The following TIAM1 variants were observed in gnomAD, a reference collection of about 807,000 sequenced individuals.
TIAM1 encodes the protein TIAM Rac1 associated GEF 1.
Under a neutral mutation model 163.5 loss-of-function variants are expected in TIAM1, and 65 were observed. The observed-to-expected ratio is 0.40, with a 90% CI of 0.33 to 0.49. The LOEUF (loss-of-function observed/expected upper bound fraction) is 0.49. TIAM1 is among the 20% of genes least tolerant of loss of function. The pLI is 0.77. For missense variants in TIAM1, 1,789 were observed against 2,044.7 expected (o/e 0.87, Z 2.41); for synonymous variants, 833 against 810.1 (o/e 1.03, Z -0.48).
At chr21:31,383,259 A>T (rs906746898) in intron 2 of TIAM1, among the ~76,000 whole-genome samples, 1 of 152,198 alleles carries the variant, frequency 6.6e-6, no homozygotes, top group Non-Finnish European at 1.5e-5. Context: ...AGTGTAAAAC[A>T]TAATAGTTCC....
At chr21:31,385,944 A>G (rs1030486378) in intron 2 of TIAM1, among the ~76,000 whole-genome samples, 2 of 147,726 alleles carry the variant, frequency 1.4e-5, no homozygotes, top group Admixed American at 1.4e-4. Flanking sequence ...AATGTTATTT[A>G]TACTGGTATT....
intron 2 of TIAM1, chr21:31,452,431 G>A (rs754880531): frequency 3.1e-5 from 12 of 381,170 alleles, no homozygotes; most frequent in East Asian, 6.2e-5. Flanking sequence ...ACCCTATTTC[G>A]AAACAACAAC....
chr21:31,494,989 T>C (rs2046592297), intron 1 of TIAM1, among the ~76,000 whole-genome samples: 1 of 152,134 alleles, frequency 6.6e-6, no homozygotes, highest in Non-Finnish European at 1.5e-5. Context: ...CTGAAGTACT[T>C]AGGCAGCAAA....
chr21:31,285,357 A>C (rs2073762373), intron 2 of TIAM1, among the ~76,000 whole-genome samples: 2 of 152,170 alleles, frequency 1.3e-5, no homozygotes, highest in African/African-American at 4.8e-5. Context: ...CATCCAGACA[A>C]CAGAGAAGAT....
At chr21:31,365,804 G>A (rs1273151905) in intron 2 of TIAM1, among the ~76,000 whole-genome samples, 1 of 151,822 alleles carries the variant, frequency 6.6e-6, no homozygotes, top group African/African-American at 2.4e-5. Context: ...AGATTTCACT[G>A]TCAAAGTATG....
chr21:31,502,650 C>A (rs910064855), intron 1 of TIAM1, among the ~76,000 whole-genome samples: 1 of 152,232 alleles, frequency 6.6e-6, no homozygotes. Flanking sequence ...CCATTCAGGA[C>A]GCTGCCTTAA....
chr21:31,545,202 T>C (rs896635355), intron 1 of TIAM1, among the ~76,000 whole-genome samples: 2 of 151,952 alleles, frequency 1.3e-5, no homozygotes, highest in East Asian at 3.9e-4. Flanking sequence ...CAGACACACA[T>C]GGAGAATGCA....
chr21:31,442,061 AAATAAATAAATATATAT>A (rs1467176028), intron 2 of TIAM1, among the ~76,000 whole-genome samples: 1 of 88,198 alleles, frequency 1.1e-5, no homozygotes, highest in African/African-American at 4.6e-5. Context: ...ATCTCAGAAC[AAATAAATAAATATATAT>A]ATATATATAG....
intron 23 of TIAM1, among the ~76,000 whole-genome samples, chr21:31,132,235 T>C (rs745893782): frequency 6.4e-4 from 97 of 152,284 alleles, no homozygotes; most frequent in Non-Finnish European, 1.1e-3. Flanking sequence ...GGCAGGTCGG[T>C]CTTGTCTCCT....
intron 6 of TIAM1, among the ~76,000 whole-genome samples, chr21:31,238,385 GCT>G (rs1198008231): frequency 6.6e-6 from 1 of 152,174 alleles, no homozygotes; most frequent in Non-Finnish European, 1.5e-5. Context: ...ATGGCATAAA[GCT>G]TTCACCATAG....
chr21:31,243,757 C>T (rs965828898), intron 6 of TIAM1, among the ~76,000 whole-genome samples: 2 of 152,150 alleles, frequency 1.3e-5, no homozygotes, highest in Admixed American at 6.6e-5. Context: ...TTCAAATCAG[C>T]AAGGGAGCCT....
rs146602630 is a variant in TIAM1, at chr21:31,531,375, G to C, written c.-422+27552C>G. Among the ~76,000 whole-genome samples, 11 of 152,288 alleles carry C rather than the reference G, an allele frequency of 7.2e-5. No individual in the cohort carries two copies. In the East Asian group the frequency reaches 2.1e-3, roughly 29 times the overall value. ...TGCCACACAAGGGCCGCAACCCCTG[G>C]GGGCTGCCTAGTGAGAGGAGACTGT... On this transcript the variant is annotated intron_variant, in intron 1 of 28. Coordinates refer to the TIAM1 transcript ENST00000286827.
At chr21:31,321,561 A>AG (rs59948768) in intron 2 of TIAM1, among the ~76,000 whole-genome samples, 151,958 of 151,958 alleles carry the variant, frequency 1, 75,979 homozygotes, top group Non-Finnish European at 1. Flanking sequence ...CATGTTGGCC[A>AG]GCTGGTCTCA....
chr21:31,379,074 C>A (rs1000867726), intron 2 of TIAM1, among the ~76,000 whole-genome samples: 1 of 152,150 alleles, frequency 6.6e-6, no homozygotes, highest in African/African-American at 2.4e-5. Context: ...CGGGTTCAAG[C>A]GATTCTCCTG....
chr21:31,127,759 G>A (rs1184072912), intron 25 of TIAM1, among the ~76,000 whole-genome samples: 1 of 152,122 alleles, frequency 6.6e-6, no homozygotes, highest in Non-Finnish European at 1.5e-5. Context: ...ACTGAACTGT[G>A]CATTTCAATT....
At chr21:31,304,045 G>A (rs845941) in intron 2 of TIAM1, among the ~76,000 whole-genome samples, 90,840 of 152,060 alleles carry the variant, frequency 0.6, 27,850 homozygotes, top group African/African-American at 0.72. Context: ...CTCTGTCCCA[G>A]GGTTCTACTT....
chr21:31,524,078 GA>G (rs929818795), intron 1 of TIAM1, among the ~76,000 whole-genome samples: 1 of 151,600 alleles, frequency 6.6e-6, no homozygotes, highest in African/African-American at 2.4e-5. Context: ...ATGCTCAGGT[GA>G]AAAAAAAGCT....
At chr21:31,554,088 G>A (rs770271851) in intron 1 of TIAM1, among the ~76,000 whole-genome samples, 14 of 152,144 alleles carry the variant, frequency 9.2e-5, no homozygotes, top group Non-Finnish European at 1.3e-4. Flanking sequence ...GCAGGAGAAC[G>A]CTCCTTTGGA....
intron 3 of TIAM1, among the ~76,000 whole-genome samples, chr21:31,269,143 C>T (rs1414211080): frequency 6.6e-6 from 1 of 152,216 alleles, no homozygotes; most frequent in Non-Finnish European, 1.5e-5. Flanking sequence ...TCTGGTAAGG[C>T]TTGTTTCTGC....
Sources: allele counts gnomAD v4.1 joint callset (sites outside exome capture counted in the v4.1 genomes callset), GRCh38; gene constraint gnomAD v4.1.1; transcripts MANE v1.5; gene names NCBI Gene and HGNC (gene_info 2026-07-23, HGNC 2026-07-21).